Variants in LRP2 observed in about 807,000 individuals in gnomAD.
LRP2 encodes LDL receptor related protein 2.
LRP2 carries 172 observed loss-of-function variants against 531.0 expected under a neutral mutation model. That is an observed-to-expected ratio of 0.32 (90% CI 0.29 to 0.37). LRP2 has a LOEUF of 0.37. Among genes scored for constraint, LRP2 ranks in the 10% least tolerant of loss-of-function variants. The probability of loss-of-function intolerance (pLI) is 1.00; values close to 1 mark genes in which losing one functional copy is unlikely to be tolerated. For synonymous variants in LRP2, 1,992 were observed against 2,027.6 expected, an observed-to-expected ratio of 0.98 and a Z score of 0.47; for missense variants, 5,167 against 5,868.3, an observed-to-expected ratio of 0.88 and a Z score of 3.90.
rs548720400 is a variant in LRP2 at position 169,288,568 on chromosome 2, C to A, written c.1042+458G>T. Among the ~76,000 whole-genome samples the A allele has an allele frequency of 5.0e-5, 6 of 119,602 alleles. No homozygotes were observed. In the South Asian group the frequency reaches 1.5e-3, roughly 29 times the overall value. 78.5% of individuals were successfully genotyped at this position (119,602 alleles called of 152,430 possible). A position where few individuals can be genotyped will look rare whatever the true frequency, so the allele number is the denominator to read the frequency against. On this transcript the variant is annotated intron_variant, in intron 9 of 78. Transcript: ENST00000649046. Reference sequence around the variant, plus strand: ...GGTGATCCTCTGCTGTGTCAGGTAACAACTCTTTAGTTGTGGGATCCTGGG... The same window carrying A: ...GGTGATCCTCTGCTGTGTCAGGTAAAAACTCTTTAGTTGTGGGATCCTGGG...
intron 48 of LRP2, 149 bp from the exon 49 acceptor site, chr2:169,188,414 C>T (rs1687711788): frequency 1.2e-5 from 9 of 780,662 alleles, no homozygotes; most frequent in Non-Finnish European, 2.0e-5. Context: ...CCCCTTTCCC[C>T]CATCATCTTC....
At chr2:169,321,007 G>T (rs1281757584) in intron 1 of LRP2, 123 bp from the exon 2 acceptor site, 2 of 709,256 alleles carry the variant, frequency 2.8e-6, no homozygotes, top group Non-Finnish European at 5.0e-6. Flanking sequence ...ATGCAAATTA[G>T]AAAATTAGGT....
chr2:169,357,456 C>A (rs554860620), intron 1 of LRP2, among the ~76,000 whole-genome samples: 16 of 152,060 alleles, frequency 1.1e-4, no homozygotes, highest in Middle Eastern at 3.4e-3. Context: ...CTCAGCCTCC[C>A]GAGTAGCTGG....
At position 169,280,508 on chromosome 2, in the gene LRP2, A is replaced by C. The variant is rs1208317846; in HGVS notation, c.1183T>G (p.Ser395Ala). ...CKANDSFGEA[S>A]IIFSNGRDLL... ...TCCCGACCATTGGAGAAGATAATGG[A>C]GGCCTCGCCAACTAAATGCGAAGAA... The change falls in exon 11 of 79, where the codon TCC (serine) becomes GCC (alanine). Residue 395 changes from serine (S) to alanine (A), a missense_variant. Physicochemically the swap from Ser to Ala is moderately conservative, Grantham distance 99 (BLOSUM62 1). Coordinates refer to ENST00000649046, the MANE Select transcript of LRP2 (RefSeq NM_004525.3). 2 of 1,614,032 alleles carry C rather than the reference A, an allele frequency of 1.2e-6. No homozygotes were observed. Among genetic ancestry groups the C allele is most frequent in the East Asian group, 4.5e-5 (2 of 44,886 alleles).
intron 53 of LRP2, 127 bp from the exon 54 acceptor site, chr2:169,176,715 T>C (rs1687208430): frequency 7.1e-6 from 6 of 844,080 alleles, no homozygotes; most frequent in South Asian, 1.5e-5. Context: ...CCTAGATTTA[T>C]GATTTTCCCA....
intron 1 of LRP2, among the ~76,000 whole-genome samples, chr2:169,326,170 C>G (rs1574259077): frequency 2.1e-5 from 1 of 47,872 alleles, no homozygotes; most frequent in Non-Finnish European, 4.1e-5. Flanking sequence ...CTCCCTCTCC[C>G]TCCCCCTCTC....
In LRP2 at chr2:169,271,036, C is replaced by G. The variant is rs1683401014; in HGVS notation, c.2188G>C (p.Glu730Gln). ...CCCGAAACTGGAACCATGACATCTT[C>G]CTGGGTAGACAAGGTGAACGGGATC... ...RGIPFTLSTQEDVMVPVSGNP... is the reference protein window; with the variant it reads ...RGIPFTLSTQQDVMVPVSGNP... Residue 730 changes from glutamate (E) to glutamine (Q), a missense_variant, in exon 16 of 79, where the codon GAA (glutamate) becomes CAA (glutamine). Physicochemically the swap from Glu to Gln is conservative, Grantham distance 29 (BLOSUM62 2). Around this residue, in one of 6 missense-constraint regions of LRP2, gnomAD observed 2,811 missense variants for 3,058.0 expected, o/e 0.92. Coordinates refer to ENST00000649046, the MANE Select transcript of LRP2 (RefSeq NM_004525.3). 1 of 1,613,172 alleles carries G rather than the reference C, an allele frequency of 6.2e-7. No homozygotes were observed. The highest frequency in any genetic ancestry group is 2.2e-5 in the East Asian group (1 of 44,836).
intron 36 of LRP2, among the ~76,000 whole-genome samples, chr2:169,212,995 T>TAA (rs71003070): frequency 3.3e-5 from 5 of 151,996 alleles, no homozygotes; most frequent in African/African-American, 1.2e-4. Flanking sequence ...CACATGCAGT[T>TAA]AAAAAAATAC....
chr2:169,292,984 C>A (rs577082050), intron 6 of LRP2, among the ~76,000 whole-genome samples: 48 of 152,272 alleles, frequency 3.2e-4, no homozygotes, highest in Admixed American at 3.9e-4. Context: ...AATCTATGAC[C>A]AAATGATTCT....
intron 1 of LRP2, among the ~76,000 whole-genome samples, chr2:169,350,975 C>G (rs1182987988): frequency 6.6e-6 from 1 of 152,080 alleles, no homozygotes; most frequent in African/African-American, 2.4e-5. Context: ...CAGGATGAGG[C>G]CACCAAGGAG....
intron 3 of LRP2, among the ~76,000 whole-genome samples, chr2:169,309,143 A>C (rs934461767): frequency 5.9e-5 from 9 of 152,072 alleles, no homozygotes; most frequent in Non-Finnish European, 7.4e-5. Context: ...AGATGGGTAG[A>C]TTGCAAAAAT....
At position 169,157,483 on chromosome 2, in the gene LRP2, T is replaced by C. The variant is rs1005852754; in HGVS notation, c.11907A>G (p.Thr3969=). Residue 3969 remains threonine, a synonymous_variant, in exon 64 of 79, where the codon ACA becomes ACG. Coordinates refer to ENST00000649046, the MANE Select transcript of LRP2 (RefSeq NM_004525.3). ...TTTGCTCGCATATATTTTCAGCACA[T>C]GTTCTTTCTTTTCCTTTATCTGAAA... ...ELGCNKGKER[T]CAENICEQNC... 8.7e-6 allele frequency: 14 copies of C among 1,613,206 alleles called. No homozygotes were observed. Among genetic ancestry groups the C allele is most frequent in the Middle Eastern group, 1.7e-4 (1 of 6,058 alleles).
At chr2:169,307,163 C>CA in intron 4 of LRP2, 118 bp downstream of exon 4, 1 of 766,376 alleles carries the variant, frequency 1.3e-6, no homozygotes, top group South Asian at 1.4e-5. Flanking sequence ...CAAGAGATTG[C>CA]AATAACAAGA....
At chr2:169,323,514 T>C (rs190337309) in intron 1 of LRP2, among the ~76,000 whole-genome samples, 1 of 152,270 alleles carries the variant, frequency 6.6e-6, no homozygotes, top group East Asian at 1.9e-4. Flanking sequence ...TTACTTCAAT[T>C]AGTCTATATG....
intron 1 of LRP2, among the ~76,000 whole-genome samples, chr2:169,326,264 G>T (rs1443434258): frequency 7.0e-6 from 1 of 142,108 alleles, no homozygotes; most frequent in Non-Finnish European, 1.5e-5. Flanking sequence ...CTCTGATGCC[G>T]AGCCGAAGCT....
At chr2:169,287,852 TTAATATTA>T (rs1423229028) in intron 9 of LRP2, among the ~76,000 whole-genome samples, 4 of 90,410 alleles carry the variant, frequency 4.4e-5, no homozygotes, top group Non-Finnish European at 9.8e-5. Context: ...TTTTAATATT[TTAATATTA>T]AAATTTTAAT....
chr2:169,328,644 A>C (rs1369049560), intron 1 of LRP2, among the ~76,000 whole-genome samples: 1 of 152,110 alleles, frequency 6.6e-6, no homozygotes, highest in African/African-American at 2.4e-5. Flanking sequence ...ATAAAGCTTT[A>C]TACATATCCA....
intron 34 of LRP2, among the ~76,000 whole-genome samples, chr2:169,216,839 A>G (rs867255085): frequency 4.6e-5 from 7 of 152,202 alleles, no homozygotes; most frequent in African/African-American, 1.4e-4. Flanking sequence ...ACCAGGCCTC[A>G]TTTAATTATT....
intron 63 of LRP2, among the ~76,000 whole-genome samples, chr2:169,158,871 T>C (rs566688217): frequency 1.7e-3 from 254 of 151,698 alleles, no homozygotes; most frequent in African/African-American, 5.5e-3. Flanking sequence ...AAAAACACAG[T>C]TTATTTTTGT....
Sources: gnomAD v4.1 joint callset for allele counts (sites outside exome capture counted in the v4.1 genomes callset) on GRCh38, gnomAD v4.1.1 for gene constraint, gnomAD v4.1.1 regional missense constraint, MANE v1.5 for transcripts, NCBI Gene and HGNC (gene_info 2026-07-23, HGNC 2026-07-21) for gene names.